CLTRN: variants seen among roughly 807,000 people sequenced by gnomAD.
CLTRN encodes collectrin, amino acid transport regulator.
CLTRN carries 12 observed loss-of-function variants against 14.5 expected under a neutral mutation model. The observed-to-expected ratio is 0.83, with a 90% CI of 0.53 to 1.34. CLTRN has a LOEUF of 1.34. Among genes scored for constraint, CLTRN ranks in the 40% most tolerant of loss-of-function variants. The pLI is 0.00. For missense variants in CLTRN, 154 were observed against 165.1 expected (o/e 0.93, Z 0.37); for synonymous variants, 58 against 56.5 (o/e 1.03, Z -0.12).
chrX:15,650,922 G>A (rs983687689), intron 3 of CLTRN, among the ~76,000 whole-genome samples: 6 of 111,533 alleles, frequency 5.4e-5, no homozygotes, highest in Admixed American at 9.5e-5. Context: ...ACACACTCTG[G>A]GCTGATACTT....
Position 15,627,976 on chromosome X carries a change from G to A in CLTRN, c.664C>T (p.Leu222Phe), listed in dbSNP as rs1928602427. 9.8e-7 allele frequency: 1 copy of A among 1,023,962 alleles called. No homozygotes were observed. The highest frequency in any genetic ancestry group is 3.8e-5 in the Admixed American group (1 of 26,463). 84.4% of individuals were successfully genotyped at this position (1,023,962 alleles called of 1,213,427 possible). ...FMTEDERLTP[L>F] ...GGAAGCAGAACAACAGCCCTTCAGA[G>A]AGGGGTGAGCCTCTCATCCTCTGTC... The change falls in exon 6 of 6, where the codon CTC becomes TTC. Residue 222 changes from leucine (L) to phenylalanine (F), a missense_variant. By Grantham distance (22) the Leu-to-Phe change is conservative (BLOSUM62 0). Coordinates refer to ENST00000380342, the MANE Select transcript of CLTRN (RefSeq NM_020665.6).
intron 5 of CLTRN, among the ~76,000 whole-genome samples, chrX:15,638,684 T>C (rs370506737): frequency 4.0e-4 from 45 of 111,739 alleles, no homozygotes; most frequent in African/African-American, 1.4e-3. Context: ...GAGGTACTGG[T>C]TAACAAAATC....
intron 5 of CLTRN, 54 bp downstream of exon 5, chrX:15,639,508 A>C (rs903185847): frequency 7.5e-6 from 8 of 1,069,098 alleles, no homozygotes; most frequent in African/African-American, 1.9e-5. Context: ...GATTTGTCCA[A>C]GTCATGAGGA....
chrX:15,646,179 A>C, intron 3 of CLTRN: 1 of 170,637 alleles, frequency 5.9e-6, no homozygotes. Context: ...CCCCTTCTGC[A>C]GCTGCGCGCC....
intron 2 of CLTRN, among the ~76,000 whole-genome samples, chrX:15,660,211 A>T (rs1377275321): frequency 1.8e-5 from 2 of 111,280 alleles, no homozygotes; most frequent in Non-Finnish European, 3.8e-5. Context: ...AAAATAAATG[A>T]CTCCTAAATA....
In CLTRN at chrX:15,640,830, A is replaced by C. The variant is rs750287129; in HGVS notation, c.318-1074T>G. ...ACAACGTGAAATTAAAGTACCAAGG[A>C]GCTTACGGTCTAGAAGGGTGACAGA... On this transcript the variant is annotated intron_variant, in intron 4 of 5. Coordinates refer to ENST00000380342, the MANE Select transcript of CLTRN (RefSeq NM_020665.6). Among the ~76,000 whole-genome samples, 24 of 112,372 alleles carry C rather than the reference A, an allele frequency of 2.1e-4. No homozygotes were observed. In the South Asian group the frequency reaches 8.8e-3, roughly 41 times the overall value.
At chrX:15,670,236 C>T (rs998998079) in intron 1 of CLTRN, among the ~76,000 whole-genome samples, 1 of 108,880 alleles carries the variant, frequency 9.2e-6, no homozygotes, top group Non-Finnish European at 1.9e-5. Context: ...ATGATTGTGC[C>T]ACCACACTCC....
intron 1 of CLTRN, 134 bp downstream of exon 1, chrX:15,664,584 T>A: frequency 1.4e-6 from 1 of 711,213 alleles, no homozygotes; most frequent in Non-Finnish European, 2.1e-6. Context: ...TTCAAACTCA[T>A]TAAACACTCA....
At chrX:15,650,529 A>G (rs574343100) in intron 3 of CLTRN, among the ~76,000 whole-genome samples, 1 of 112,063 alleles carries the variant, frequency 8.9e-6, no homozygotes, top group African/African-American at 3.2e-5. Context: ...TTCAGATGTA[A>G]AATTATTTAT....
chrX:15,662,697 T>C (rs1929535356), intron 2 of CLTRN, among the ~76,000 whole-genome samples: 1 of 111,719 alleles, frequency 9.0e-6, no homozygotes, highest in South Asian at 3.7e-4. Flanking sequence ...CTCCCCACTA[T>C]CTGTCTTCCA....
chrX:15,630,229 G>A (rs868669139), intron 5 of CLTRN, among the ~76,000 whole-genome samples: 2 of 111,444 alleles, frequency 1.8e-5, no homozygotes, highest in Non-Finnish European at 3.8e-5. Context: ...TGGATGGATG[G>A]ATGGATGGAT....
chrX:15,651,193 T>C (rs144897130), intron 3 of CLTRN, among the ~76,000 whole-genome samples: 1,118 of 111,723 alleles, frequency 0.01, 12 homozygotes, highest in African/African-American at 0.035. Context: ...AGAGCCAGGA[T>C]GTTAAACATG....
At chrX:15,667,596 T>G, upstream of CLTRN, among the ~76,000 whole-genome samples, 2 of 113,161 alleles carry the variant, frequency 1.8e-5, no homozygotes, top group Non-Finnish European at 3.7e-5. Flanking sequence ...GAACATATCT[T>G]TCTGCCTTGT....
intron 3 of CLTRN, among the ~76,000 whole-genome samples, chrX:15,645,865 T>C (rs1259554073): frequency 3.6e-5 from 4 of 112,526 alleles, no homozygotes; most frequent in Admixed American, 1.9e-4. Flanking sequence ...AAGAGCAAAA[T>C]TGCAAAAAGC....
chrX:15,664,576 C>G (rs990317735), intron 1 of CLTRN, 142 bp downstream of exon 1: 2 of 680,862 alleles, frequency 2.9e-6, no homozygotes, highest in Admixed American at 3.2e-5. Context: ...TATTTTCTTT[C>G]AAACTCATTA....
rs67681066 is a variant in CLTRN, at chrX:15,630,363, AGAAGGAAG to A, written c.513-2244_513-2237del. 4.0e-3 allele frequency among the ~76,000 whole-genome samples: 220 copies of A among 54,657 alleles called. 2 individuals are homozygous for A. Among genetic ancestry groups the A allele is most frequent in the Middle Eastern group, 8.0e-3 (1 of 125 alleles). The allele number at this position is 54,657 out of a possible 115,157, so 47.5% of individuals were successfully genotyped here. On this transcript the variant is annotated intron_variant, in intron 5 of 5. Transcript: ENST00000380342. Reference sequence around the variant, plus strand: ...CCTTGAACGGGCTTTACCACAAGAAAGAAGGAAGGAAGGAAGGAAGGAAGGAAGGAAGG... The same window carrying A: ...CCTTGAACGGGCTTTACCACAAGAAAGAAGGAAGGAAGGAAGGAAGGAAGG...
intron 3 of CLTRN, among the ~76,000 whole-genome samples, chrX:15,656,877 AG>A (rs1929379193): frequency 9.0e-6 from 1 of 111,123 alleles, no homozygotes; most frequent in Non-Finnish European, 1.9e-5. Flanking sequence ...CCAGTTTTGC[AG>A]TTTTGATTTT....
chrX:15,659,208 A>T (rs1929446115), intron 2 of CLTRN, 107 bp from the exon 3 acceptor site: 1 of 314,704 alleles, frequency 3.2e-6, no homozygotes, highest in Admixed American at 3.9e-5. Flanking sequence ...ACACACACAC[A>T]CACACGCACA....
Position 15,639,669 on chromosome X carries a change from G to T in CLTRN, c.405C>A (p.Pro135=), listed in dbSNP as rs1928894370. ...TCCAGATGGGCACAGATGGGTCCAT[G>T]GGTGGTGCAAGTGTGGAAGGGATTT... The part of the protein sequence containing the change: ...FLKIPSTLAP[P]MDPSVPIWII... The change falls in exon 5 of 6, where the codon CCC becomes CCA. Residue 135 remains proline (P), a synonymous_variant. Transcript: ENST00000380342. The T allele has an allele frequency of 7.4e-6, 9 of 1,209,347 alleles. No homozygotes were observed. The South Asian group carries it at 1.1e-4, about 14-fold the overall frequency.
Sources: gnomAD v4.1 joint callset for allele counts (sites outside exome capture counted in the v4.1 genomes callset) on GRCh38, gnomAD v4.1.1 for gene constraint, MANE v1.5 for transcripts, NCBI Gene and HGNC (gene_info 2026-07-23, HGNC 2026-07-21) for gene names.